CENPW: variants seen among roughly 807,000 people sequenced by gnomAD.
CENPW encodes centromere protein W, also known as cancer-up-regulated gene 2 protein.
CENPW carries 3 observed loss-of-function variants against 11.1 expected under a neutral mutation model. The observed-to-expected ratio is 0.27, with a 90% CI of 0.12 to 0.70. CENPW has a LOEUF of 0.70. CENPW is among the 30% of genes least tolerant of loss of function. The pLI is 0.77. For missense variants in CENPW, 100 were observed against 105.6 expected (o/e 0.95, Z 0.23); for synonymous variants, 38 against 42.0 (o/e 0.91, Z 0.37).
chr6:126,426,137 A>T, the CENPW span, among the ~76,000 whole-genome samples: 1 of 152,176 alleles, frequency 6.6e-6, no homozygotes, highest in Non-Finnish European at 1.5e-5. Flanking sequence ...AGGATGTAAA[A>T]ATCAATATTA....
chr6:126,421,582 C>CT, the CENPW span, among the ~76,000 whole-genome samples: 708 of 143,556 alleles, frequency 4.9e-3, 5 homozygotes, highest in African/African-American at 9.4e-3. Context: ...CTAACACTTT[C>CT]TTTTTTTTTT....
In CENPW at chr6:126,348,480, G is replaced by T. The variant is rs1242445303; in HGVS notation, c.255G>T (p.Lys85Asn). Residue 85 changes from lysine (K) to asparagine (N), a missense_variant, in exon 3 of 3, where the codon AAG (lysine) becomes AAT (asparagine). Lys to Asn is a moderately conservative substitution (Grantham distance 94). Coordinates refer to ENST00000368328, the MANE Select transcript of CENPW (RefSeq NM_001012507.4). Reference sequence around the variant, plus strand: ...CCCTCTTACAGGTAATTCTAAAGAAGAGCAGAGGTTAGAAGTCAAAGAACA... The same window carrying T: ...CCCTCTTACAGGTAATTCTAAAGAATAGCAGAGGTTAGAAGTCAAAGAACA... ...VLAAAKVILK[K>N]SRG The T allele has an allele frequency of 2.1e-6, 3 of 1,433,232 alleles. No homozygotes were observed. The highest frequency in any genetic ancestry group is 3.4e-5 in the Admixed American group (2 of 58,786). 88.8% of individuals were successfully genotyped at this position (1,433,232 alleles called of 1,614,324 possible).
chr6:126,412,961 T>TTAG, the CENPW span, among the ~76,000 whole-genome samples: 1 of 152,102 alleles, frequency 6.6e-6, no homozygotes, highest in African/African-American at 2.4e-5. Context: ...TTCCTATGAT[T>TTAG]TAGTAGATTT....
the CENPW span, among the ~76,000 whole-genome samples, chr6:126,381,939 T>C: frequency 6.6e-6 from 1 of 152,044 alleles, no homozygotes; most frequent in Non-Finnish European, 1.5e-5. Flanking sequence ...TGAACCCACC[T>C]CAGAGCGCAA....
chr6:126,365,225 C>T, the CENPW span, among the ~76,000 whole-genome samples: 1 of 152,156 alleles, frequency 6.6e-6, no homozygotes, highest in Non-Finnish European at 1.5e-5. Context: ...GAATTGTGAC[C>T]TAATTATAGA....
the CENPW span, among the ~76,000 whole-genome samples, chr6:126,358,655 G>A: frequency 1.3e-5 from 2 of 152,084 alleles, no homozygotes; most frequent in Non-Finnish European, 2.9e-5. Flanking sequence ...CAGGAATAGT[G>A]GCCTGAAGTT....
chr6:126,482,747 T>C, the CENPW span, among the ~76,000 whole-genome samples: 2 of 152,034 alleles, frequency 1.3e-5, no homozygotes, highest in African/African-American at 4.8e-5. Context: ...CTTAATTATT[T>C]TTAGCCTTAT....
the CENPW span, among the ~76,000 whole-genome samples, chr6:126,355,154 T>C: frequency 6.6e-6 from 1 of 152,160 alleles, no homozygotes; most frequent in Admixed American, 6.6e-5. Context: ...TAATTACTGT[T>C]TAGAAATTGT....
At chr6:126,439,506 C>T in the CENPW span, among the ~76,000 whole-genome samples, 20 of 151,546 alleles carry the variant, frequency 1.3e-4, no homozygotes, top group Admixed American at 2.0e-4. Context: ...TGGGACTTCT[C>T]AGGGAAAGAG....
rs1780272086 is a variant in CENPW, at chr6:126,340,201, C to T, written c.-73C>T. On this transcript the variant is annotated 5_prime_UTR_variant, in exon 1 of 3. Coordinates refer to ENST00000368328, the MANE Select transcript of CENPW (RefSeq NM_001012507.4). ...ACGGACCGGATTGTTTTCGCTGGCC[C>T]AGTGTCCCCGGAGCTTGTGTGCGAT... The T allele has an allele frequency of 1.4e-6, 2 of 1,413,846 alleles. No individual in the cohort carries two copies. The highest frequency in any genetic ancestry group is 1.8e-5 in the Admixed American group (1 of 55,970). The allele number at this position is 1,413,846 out of a possible 1,614,324, so 87.6% of individuals were successfully genotyped here. A position where few individuals can be genotyped will look rare whatever the true frequency, so the allele number is the denominator to read the frequency against.
chr6:126,448,650 T>C, the CENPW span, among the ~76,000 whole-genome samples: 6 of 150,998 alleles, frequency 4.0e-5, no homozygotes, highest in Non-Finnish European at 8.9e-5. Context: ...CCTTTTGAGA[T>C]CTTCTGGTAA....
chr6:126,398,046 G>T, the CENPW span, among the ~76,000 whole-genome samples: 1 of 152,078 alleles, frequency 6.6e-6, no homozygotes, highest in Non-Finnish European at 1.5e-5. Flanking sequence ...TTGTGTGTGT[G>T]TCTGTGCATT....
At chr6:126,421,744 T>C in the CENPW span, among the ~76,000 whole-genome samples, 5 of 152,114 alleles carry the variant, frequency 3.3e-5, no homozygotes, top group African/African-American at 1.2e-4. Context: ...CAGTCAAAGA[T>C]TGTAGCCGAA....
At chr6:126,453,273 G>A in the CENPW span, among the ~76,000 whole-genome samples, 1 of 151,106 alleles carries the variant, frequency 6.6e-6, no homozygotes, top group Non-Finnish European at 1.5e-5. Context: ...ATTCCCCAAG[G>A]CTGAAATGAA....
At chr6:126,471,526 C>T in the CENPW span, among the ~76,000 whole-genome samples, 1 of 152,106 alleles carries the variant, frequency 6.6e-6, no homozygotes, top group Non-Finnish European at 1.5e-5. Flanking sequence ...CATAGCAGCA[C>T]TATTTTAAAT....
the CENPW span, among the ~76,000 whole-genome samples, chr6:126,428,329 A>G: frequency 1.3e-5 from 2 of 152,166 alleles, no homozygotes; most frequent in East Asian, 1.9e-4. Flanking sequence ...TACATTGACT[A>G]TTATTGTCAT....
chr6:126,466,402 C>A, the CENPW span, among the ~76,000 whole-genome samples: 1 of 152,010 alleles, frequency 6.6e-6, no homozygotes, highest in African/African-American at 2.4e-5. Flanking sequence ...TCTGATACCG[C>A]TCTATATGTG....
the CENPW span, among the ~76,000 whole-genome samples, chr6:126,416,931 GAGA>G: frequency 6.6e-6 from 1 of 152,176 alleles, no homozygotes; most frequent in Admixed American, 6.5e-5. Flanking sequence ...GTGGAACTGT[GAGA>G]AGAAGACCAC....
chr6:126,349,641 C>G (rs1780468190), downstream of CENPW, among the ~76,000 whole-genome samples: 1 of 151,930 alleles, frequency 6.6e-6, no homozygotes, highest in African/African-American at 2.4e-5. Flanking sequence ...ATAGTTTGTT[C>G]CGTTTTATTA....
Sources: allele counts gnomAD v4.1 joint callset (sites outside exome capture counted in the v4.1 genomes callset), GRCh38; gene constraint gnomAD v4.1.1; transcripts MANE v1.5; gene names NCBI Gene and HGNC (gene_info 2026-07-23, HGNC 2026-07-21).